Variants in ANO10 observed in about 807,000 individuals in gnomAD.
The protein encoded by ANO10 is anoctamin 10, also known as anoctamin-10.
In ANO10, 77 loss-of-function variants were observed where a neutral mutation model predicts 74.7. The ratio of observed to expected loss-of-function variants is 1.03; its 90% CI spans 0.86 to 1.25. The LOEUF (loss-of-function observed/expected upper bound fraction) is 1.25. ANO10 is among the 50% of genes most tolerant of loss of function. The pLI, the probability that ANO10 is intolerant of heterozygous loss-of-function variation, is 0.00. For missense variants in ANO10, 721 were observed against 778.1 expected (o/e 0.93, Z 0.87); for synonymous variants, 279 against 284.9 (o/e 0.98, Z 0.21).
intron 10 of ANO10, among the ~76,000 whole-genome samples, chr3:43,553,920 T>C (rs1475351798): frequency 6.6e-6 from 1 of 152,222 alleles, no homozygotes; most frequent in East Asian, 1.9e-4. Context: ...AGTGAGCTTT[T>C]TATTTCAATT....
chr3:43,448,964 C>T (rs1343352998), intron 11 of ANO10, among the ~76,000 whole-genome samples: 8 of 151,474 alleles, frequency 5.3e-5, no homozygotes, highest in African/African-American at 1.5e-4. Context: ...TTCTGCCTCC[C>T]GGGTTCAAGT....
intron 4 of ANO10, among the ~76,000 whole-genome samples, chr3:43,584,700 A>C (rs769271511): frequency 6.6e-6 from 1 of 152,194 alleles, no homozygotes; most frequent in Non-Finnish European, 1.5e-5. Context: ...TACAATGCAC[A>C]TCTCACAGCG....
chr3:43,497,257 A>G (rs983475481), intron 11 of ANO10, among the ~76,000 whole-genome samples: 3 of 152,204 alleles, frequency 2.0e-5, no homozygotes, highest in African/African-American at 4.8e-5. Flanking sequence ...GTGTGCACAG[A>G]AGGAAATCTC....
In ANO10 at chr3:43,458,890, T is replaced by C. The variant is rs1351471124; in HGVS notation, c.1798-26163A>G. 2.0e-5 allele frequency among the ~76,000 whole-genome samples: 3 copies of C among 152,280 alleles called. No individual in the cohort carries two copies. In the East Asian group the frequency reaches 5.8e-4, roughly 29 times the overall value. ...GTTCTCATTGTTCAGCTCCCACTTATGAGTGAGAATATGTGGTGTTTGGTT... is the reference window on the plus strand; with the variant it reads ...GTTCTCATTGTTCAGCTCCCACTTACGAGTGAGAATATGTGGTGTTTGGTT... On this transcript the variant is annotated intron_variant, in intron 11 of 12. Transcript: ENST00000292246.
At chr3:43,547,715 G>A (rs760036855) in intron 11 of ANO10, among the ~76,000 whole-genome samples, 23 of 152,192 alleles carry the variant, frequency 1.5e-4, no homozygotes, top group Non-Finnish European at 2.2e-4. Flanking sequence ...CACGAGACTA[G>A]CCACCTGCAG....
intron 1 of ANO10, among the ~76,000 whole-genome samples, chr3:43,607,581 A>T (rs1200127866): frequency 1.3e-5 from 2 of 152,174 alleles, no homozygotes. Flanking sequence ...GCTACATTCT[A>T]AACATAATAG....
intron 12 of ANO10, among the ~76,000 whole-genome samples, chr3:43,403,676 T>C (rs1312042011): frequency 6.6e-6 from 1 of 152,172 alleles, no homozygotes; most frequent in Admixed American, 6.5e-5. Flanking sequence ...TCAAGACAAA[T>C]GGAATAGTAA....
At position 43,577,488 on chromosome 3, in the gene ANO10, T is replaced by G. The variant is rs9883169; in HGVS notation, c.593-227A>C. ...TAGGGGCCAGGCCTTAGCTGGGGGG[T>G]GTGCTCCGCCAGGTGCCTGGACTCT... On this transcript the variant is annotated intron_variant, in intron 5 of 12. Transcript: ENST00000292246. Among the ~76,000 whole-genome samples, 117,722 of 151,500 alleles carry G rather than the reference T, an allele frequency of 0.78. 46,246 individuals are homozygous for G. The highest frequency in any genetic ancestry group is 0.89 in the East Asian group (4,580 of 5,136).
chr3:43,528,410 A>G (rs1559652760), intron 11 of ANO10, among the ~76,000 whole-genome samples: 1 of 152,148 alleles, frequency 6.6e-6, no homozygotes, highest in Non-Finnish European at 1.5e-5. Context: ...AGAACATGAA[A>G]AAAAACTTCA....
intron 1 of ANO10, among the ~76,000 whole-genome samples, chr3:43,607,551 T>C (rs1208524516): frequency 2.0e-5 from 3 of 152,064 alleles, no homozygotes; most frequent in Non-Finnish European, 4.4e-5. Context: ...AATCCCCACT[T>C]TGAACTGGGA....
intron 1 of ANO10, among the ~76,000 whole-genome samples, chr3:43,614,771 CTATATATATA>C (rs61084802): frequency 0.012 from 630 of 52,702 alleles, 51 homozygotes; most frequent in Non-Finnish European, 0.021. Flanking sequence ...GAAAACTAAA[CTATATATATA>C]TATATATATA....
At chr3:43,581,645 GCA>G (rs1406300658) in intron 4 of ANO10, among the ~76,000 whole-genome samples, 3 of 152,122 alleles carry the variant, frequency 2.0e-5, no homozygotes, top group African/African-American at 7.2e-5. Context: ...ATTTGGCCAG[GCA>G]CAGTGACTCA....
At chr3:43,634,970 G>A (rs2083590643) in intron 1 of ANO10, among the ~76,000 whole-genome samples, 1 of 152,136 alleles carries the variant, frequency 6.6e-6, no homozygotes, top group African/African-American at 2.4e-5. Flanking sequence ...CAGGAAGAAG[G>A]AAGACATGAG....
At chr3:43,485,603 G>A (rs189030358) in intron 11 of ANO10, 24 of 210,550 alleles carry the variant, frequency 1.1e-4, no homozygotes, top group Middle Eastern at 1.8e-3. Flanking sequence ...ACCATCTTGG[G>A]AGCTCTGGGA....
At chr3:43,395,253 G>A (rs888612646) in intron 12 of ANO10, among the ~76,000 whole-genome samples, 3 of 152,150 alleles carry the variant, frequency 2.0e-5, no homozygotes, top group African/African-American at 7.2e-5. Flanking sequence ...TAGATGACAA[G>A]ATTTGGAAGG....
chr3:43,620,099 C>T (rs550674725), intron 1 of ANO10, among the ~76,000 whole-genome samples: 2 of 152,030 alleles, frequency 1.3e-5, no homozygotes, highest in African/African-American at 2.4e-5. Context: ...CTCATGCAAG[C>T]CATGACAAAT....
At chr3:43,539,966 C>G (rs1390056055) in intron 11 of ANO10, among the ~76,000 whole-genome samples, 4 of 152,144 alleles carry the variant, frequency 2.6e-5, no homozygotes, top group Admixed American at 6.5e-5. Flanking sequence ...ATGTAATCTG[C>G]AAAAACTGGA....
intron 1 of ANO10, among the ~76,000 whole-genome samples, chr3:43,664,813 C>CA (rs1342241555): frequency 2.0e-5 from 3 of 152,238 alleles, no homozygotes; most frequent in African/African-American, 7.2e-5. Context: ...AAGTGCAAAT[C>CA]AAAACCACAA....
chr3:43,465,726 T>C (rs2075583369), intron 11 of ANO10, among the ~76,000 whole-genome samples: 1 of 152,220 alleles, frequency 6.6e-6, no homozygotes, highest in Admixed American at 6.5e-5. Flanking sequence ...AATGTTGTTA[T>C]GCAGCACATG....
Sources: allele counts gnomAD v4.1 joint callset (sites outside exome capture counted in the v4.1 genomes callset), GRCh38; gene constraint gnomAD v4.1.1; transcripts MANE v1.5; gene names NCBI Gene and HGNC (gene_info 2026-07-23, HGNC 2026-07-21).